FAM133A: variants seen among roughly 807,000 people sequenced by gnomAD.
FAM133A encodes family with sequence similarity 133 member A, also known as protein FAM133A.
For synonymous variants in FAM133A, 65 were observed against 58.6 expected (o/e 1.11, Z -0.50); for missense variants, 159 against 164.4 (o/e 0.97, Z 0.18).
At chrX:93,681,359 G>A (rs1925144093) in intron 2 of FAM133A, among the ~76,000 whole-genome samples, 1 of 110,253 alleles carries the variant, frequency 9.1e-6, no homozygotes, top group African/African-American at 3.3e-5. Context: ...TGGACAAAAT[G>A]GAGGAAGCCC....
chrX:93,686,555 G>C (rs936541404), intron 2 of FAM133A, among the ~76,000 whole-genome samples: 18 of 112,076 alleles, frequency 1.6e-4, no homozygotes, highest in African/African-American at 5.8e-4. Flanking sequence ...GTCGGGTGTG[G>C]AAACAGGCAG....
chrX:93,674,956 G>T (rs1256606557), intron 2 of FAM133A, among the ~76,000 whole-genome samples: 1 of 111,057 alleles, frequency 9.0e-6, no homozygotes, highest in Non-Finnish European at 1.9e-5. Context: ...ATCTAAACCT[G>T]GTCATAGAAT....
intron 3 of FAM133A, among the ~76,000 whole-genome samples, chrX:93,707,502 A>G (rs1569354800): frequency 9.0e-6 from 1 of 111,164 alleles, no homozygotes; most frequent in East Asian, 2.8e-4. Context: ...TGTATCAACT[A>G]TAGGACAAAA....
intron 2 of FAM133A, among the ~76,000 whole-genome samples, chrX:93,675,829 C>T (rs1175437197): frequency 9.0e-6 from 1 of 110,690 alleles, no homozygotes; most frequent in East Asian, 2.8e-4. Flanking sequence ...CATATCCTTT[C>T]GTTGAATAAT....
At chrX:93,709,245 AAT>A (rs1343966277) in intron 3 of FAM133A, 70 bp from the exon 4 acceptor site, 1 of 646,914 alleles carries the variant, frequency 1.5e-6, no homozygotes, top group Non-Finnish European at 2.1e-6. Flanking sequence ...CAGTGTTAAC[AAT>A]TAAGCTTATA....
intron 2 of FAM133A, among the ~76,000 whole-genome samples, chrX:93,697,588 C>T (rs748416976): frequency 9.0e-6 from 1 of 111,650 alleles, no homozygotes; most frequent in Non-Finnish European, 1.9e-5. Context: ...TTAAAATCTC[C>T]TTAATGCCTA....
rs1322397178 is a variant in FAM133A at position 93,709,435 on chromosome X, A to G, written c.16A>G (p.Asn6Asp). ...ATCAGGCACCATGGGGAAGCGGGAT[A>G]ATCGGGTAGCCTATATGAATCCTAT... is the stretch of plus-strand genomic sequence containing the variant. MGKRD[N>D]RVAYMNPIAM... Residue 6 changes from asparagine to aspartate, a missense_variant, in exon 4 of 4, where the codon AAT (asparagine) becomes GAT (aspartate). By Grantham distance (23) the Asn-to-Asp change is conservative. Coordinates refer to ENST00000683942, the MANE Select transcript of FAM133A (RefSeq NM_001171109.2). The G allele has an allele frequency of 8.6e-7, 1 of 1,161,333 alleles. No homozygotes were observed. Among genetic ancestry groups the G allele is most frequent in the African/African-American group, 1.8e-5 (1 of 54,298 alleles).
intron 2 of FAM133A, among the ~76,000 whole-genome samples, chrX:93,695,760 G>A (rs1926209110): frequency 9.9e-6 from 1 of 101,125 alleles, no homozygotes; most frequent in Non-Finnish European, 2.0e-5. Context: ...TCCTGCCTCA[G>A]CCTCCCGAGT....
At chrX:93,683,128 ATAGT>A (rs1258199432) in intron 2 of FAM133A, among the ~76,000 whole-genome samples, 3 of 111,998 alleles carry the variant, frequency 2.7e-5, no homozygotes, top group Non-Finnish European at 3.8e-5. Flanking sequence ...CAAACTATTA[ATAGT>A]TAGGAGGACA....
chrX:93,679,574 T>C (rs1924960294), intron 2 of FAM133A, among the ~76,000 whole-genome samples: 1 of 111,191 alleles, frequency 9.0e-6, no homozygotes, highest in Non-Finnish European at 1.9e-5. Context: ...ATTTTAATTG[T>C]CATGTAAAAA....
intron 2 of FAM133A, among the ~76,000 whole-genome samples, chrX:93,692,793 C>A (rs528844942): frequency 6.6e-4 from 73 of 111,326 alleles, no homozygotes; most frequent in African/African-American, 2.3e-3. Flanking sequence ...GGTTAGGAAC[C>A]ATGATTGTAT....
intron 2 of FAM133A, among the ~76,000 whole-genome samples, chrX:93,688,109 G>T (rs1465792566): frequency 3.6e-5 from 4 of 109,831 alleles, no homozygotes; most frequent in Admixed American, 9.7e-5. Flanking sequence ...CAATAAACAT[G>T]GGAATATAGA....
intron 2 of FAM133A, among the ~76,000 whole-genome samples, chrX:93,687,442 T>G (rs2084684722): frequency 9.0e-6 from 1 of 110,846 alleles, no homozygotes; most frequent in Non-Finnish European, 1.9e-5. Context: ...ACTAAAAAAT[T>G]TATCCATGTA....
intron 2 of FAM133A, among the ~76,000 whole-genome samples, chrX:93,682,091 C>G (rs191219975): frequency 2.6e-4 from 29 of 111,730 alleles, no homozygotes; most frequent in Non-Finnish European, 2.3e-4. Context: ...TGTCTTGAAT[C>G]AAACCAGTGT....
At position 93,688,920 on chromosome X, in the gene FAM133A, T is replaced by G. The variant is rs180940137; in HGVS notation, c.-192-9477T>G. 4.9e-4 allele frequency among the ~76,000 whole-genome samples: 54 copies of G among 110,763 alleles called. No homozygotes were observed. The East Asian group carries it at 0.014, about 30-fold the overall frequency. On this transcript the variant is annotated intron_variant, in intron 2 of 3. Coordinates refer to ENST00000683942, the MANE Select transcript of FAM133A (RefSeq NM_001171109.2). ...ATATAAGAAAATGTAAAAGCATGAC[T>G]TAACTATATATATATGTGGTACAAG... is the stretch of plus-strand genomic sequence containing the variant.
chrX:93,693,521 C>T (rs1240194230), intron 2 of FAM133A, among the ~76,000 whole-genome samples: 3 of 111,306 alleles, frequency 2.7e-5, no homozygotes, highest in Non-Finnish European at 5.7e-5. Context: ...ATCAGTATGA[C>T]ACATTTGCCT....
Position 93,711,747 on chromosome X carries a change from C to T in FAM133A, c.*1581C>T, listed in dbSNP as rs993636290. ...AATACTGGAATCTCTCATTAAAGTTCTTGGAACATTATAGTGATGCCATGT... is the reference window on the plus strand; with the variant it reads ...AATACTGGAATCTCTCATTAAAGTTTTTGGAACATTATAGTGATGCCATGT... On this transcript the variant is annotated 3_prime_UTR_variant, in exon 4 of 4. Transcript: ENST00000683942. 8.1e-6 allele frequency: 1 copy of T among 122,758 alleles called. No homozygotes were observed. Among genetic ancestry groups the T allele is most frequent in the South Asian group, 3.7e-4 (1 of 2,705 alleles). 10.1% of individuals were successfully genotyped at this position (122,758 alleles called of 1,213,427 possible). A position where few individuals can be genotyped will look rare whatever the true frequency, so the allele number is the denominator to read the frequency against.
At position 93,709,373 on chromosome X, in the gene FAM133A, T is replaced by G; in HGVS notation, c.-47T>G. 9.2e-7 allele frequency: 1 copy of G among 1,092,598 alleles called. No individual in the cohort carries two copies. The highest frequency in any genetic ancestry group is 1.2e-6 in the Non-Finnish European group (1 of 840,644). The allele number at this position is 1,092,598 out of a possible 1,213,427, so 90.0% of individuals were successfully genotyped here. On this transcript the variant is annotated 5_prime_UTR_variant, in exon 4 of 4. Transcript: ENST00000683942. ...AGAATTTAAGGCGAGTATCTATCTTTGTTCTCCTTGGCAACTGAGAGTCTG... is the reference window on the plus strand; with the variant it reads ...AGAATTTAAGGCGAGTATCTATCTTGGTTCTCCTTGGCAACTGAGAGTCTG...
chrX:93,674,646 G>A (rs1366076153), intron 1 of FAM133A, 35 bp from the exon 2 acceptor site: 1 of 111,434 alleles, frequency 9.0e-6, no homozygotes, highest in Admixed American at 9.6e-5. Flanking sequence ...GCAAAATGAA[G>A]TTTAAAAACG....
Sources: gnomAD v4.1 joint callset for allele counts (sites outside exome capture counted in the v4.1 genomes callset) on GRCh38, gnomAD v4.1.1 for gene constraint, MANE v1.5 for transcripts, NCBI Gene and HGNC (gene_info 2026-07-23, HGNC 2026-07-21) for gene names.